The following FAM193B variants were observed in gnomAD, a reference collection of about 807,000 sequenced individuals.
The protein encoded by FAM193B is protein FAM193B.
In FAM193B, 27 loss-of-function variants were observed where a neutral mutation model predicts 70.7. The observed-to-expected ratio is 0.38, with a 90% CI of 0.28 to 0.53. The LOEUF (loss-of-function observed/expected upper bound fraction) is 0.53. Ranked by LOEUF, FAM193B falls within the 20% of genes least tolerant of loss-of-function variation. The probability of loss-of-function intolerance (pLI) is 0.81; values close to 1 mark genes in which losing one functional copy is unlikely to be tolerated. For missense variants in FAM193B, 1,022 were observed against 1,072.5 expected (o/e 0.95, Z 0.66); for synonymous variants, 448 against 436.0 (o/e 1.03, Z -0.34).
chr5:177,523,899 G>A, intron 7 of FAM193B, 58 bp downstream of exon 7: 1 of 1,582,390 alleles, frequency 6.3e-7, no homozygotes, highest in Middle Eastern at 1.7e-4. Context: ...CACAGGGCTT[G>A]AGTGTGGGCA....
At chr5:177,539,749 G>A (rs1764624767) in intron 1 of FAM193B, among the ~76,000 whole-genome samples, 1 of 152,202 alleles carries the variant, frequency 6.6e-6, no homozygotes, top group Non-Finnish European at 1.5e-5. Context: ...CTCCTGAGAG[G>A]TAGTGAGTAT....
At chr5:177,529,694 A>G (rs892429973) in intron 5 of FAM193B, among the ~76,000 whole-genome samples, 3 of 152,248 alleles carry the variant, frequency 2.0e-5, no homozygotes, top group African/African-American at 7.2e-5. Flanking sequence ...AGATAGCATT[A>G]TCAGTAAAGG....
intron 1 of FAM193B, chr5:177,553,766 G>A (rs1289099102): frequency 7.8e-7 from 1 of 1,287,750 alleles, no homozygotes; most frequent in Non-Finnish European, 1.0e-6. Context: ...GGAGGCGCCA[G>A]GAGACACAGC....
chr5:177,528,848 G>C (rs994177970), intron 5 of FAM193B, among the ~76,000 whole-genome samples: 1 of 152,172 alleles, frequency 6.6e-6, no homozygotes, highest in Non-Finnish European at 1.5e-5. Context: ...CACGTGGCTG[G>C]CTGCCACAGA....
At position 177,536,583 on chromosome 5, in the gene FAM193B, G is replaced by T; in HGVS notation, c.851C>A (p.Ala284Glu). ...CTCTGAAGCCTGGGCAGGGAAAGGT[G>T]CTGCCGGGGTGGTGGGCAGCAGGTG... ...HPHLLPTTPA[A>E]PFPAQASECP... Residue 284 changes from alanine (A) to glutamate (E), a missense_variant, in exon 4 of 9, where the codon GCA becomes GAA. By Grantham distance (107) the Ala-to-Glu change is moderately radical. Transcript: ENST00000514747. 6.5e-7 allele frequency: 1 copy of T among 1,545,458 alleles called. No individual in the cohort carries two copies. The highest frequency in any genetic ancestry group is 8.7e-7 in the Non-Finnish European group (1 of 1,153,056).
intron 4 of FAM193B, among the ~76,000 whole-genome samples, chr5:177,533,477 T>C (rs1054926121): frequency 2.6e-5 from 4 of 152,014 alleles, no homozygotes; most frequent in African/African-American, 9.7e-5. Context: ...GCTAATTTTC[T>C]TGTATTTTTA....
chr5:177,534,046 T>C (rs73804369), intron 4 of FAM193B, among the ~76,000 whole-genome samples: 78 of 152,330 alleles, frequency 5.1e-4, no homozygotes, highest in African/African-American at 1.7e-3. Flanking sequence ...GAAGCACCCA[T>C]TGGGCTGGTC....
chr5:177,551,972 A>G (rs1766311905), intron 1 of FAM193B: 1 of 954,790 alleles, frequency 1.0e-6, no homozygotes, highest in Non-Finnish European at 1.2e-6. Context: ...AACCGAATTT[A>G]CCAGTTTGTT....
chr5:177,534,336 A>T (rs1388492134), intron 4 of FAM193B, among the ~76,000 whole-genome samples: 1 of 134,808 alleles, frequency 7.4e-6, no homozygotes, highest in Non-Finnish European at 1.5e-5. Flanking sequence ...TCTGTTGCCC[A>T]AGCTGGATGG....
Position 177,536,398 on chromosome 5 carries a change from G to A in FAM193B, c.1036C>T (p.Leu346Phe), listed in dbSNP as rs1170143347. Residue 346 changes from leucine to phenylalanine, a missense_variant, in exon 4 of 9, where the codon CTC becomes TTC. Leu to Phe is a conservative substitution (Grantham distance 22). Coordinates refer to ENST00000514747, the MANE Select transcript of FAM193B (RefSeq NM_001190946.3). The stretch of plus-strand genomic sequence containing the variant: ...AGTGGCTGAGAGCTCGGGGGTGGGA[G>A]GAGAGGCCCACTGCAGTGCCCACCA... ...HCGGHCSGPL[L>F]PPPSSQPLPS... 3.1e-6 allele frequency: 5 copies of A among 1,609,152 alleles called. No homozygotes were observed. The African/African-American group carries it at 5.4e-5, about 17-fold the overall frequency.
chr5:177,529,092 G>A (rs1235508105), intron 5 of FAM193B, among the ~76,000 whole-genome samples: 4 of 151,968 alleles, frequency 2.6e-5, no homozygotes, highest in African/African-American at 9.7e-5. Context: ...AAGAGAACGG[G>A]GCAGGAGAGT....
At chr5:177,525,999 G>T (rs1199033279) in intron 5 of FAM193B, among the ~76,000 whole-genome samples, 3 of 152,264 alleles carry the variant, frequency 2.0e-5, no homozygotes, top group Non-Finnish European at 4.4e-5. Context: ...AAACCCTCGG[G>T]AAGGAGGTTG....
At chr5:177,535,364 G>A (rs888574115) in intron 4 of FAM193B, among the ~76,000 whole-genome samples, 1 of 152,250 alleles carries the variant, frequency 6.6e-6, no homozygotes. Context: ...CCCGGCATGT[G>A]CCAGACACAG....
intron 1 of FAM193B, among the ~76,000 whole-genome samples, chr5:177,543,137 G>A (rs1240928295): frequency 1.3e-5 from 2 of 152,188 alleles, no homozygotes; most frequent in African/African-American, 2.4e-5. Flanking sequence ...TGGAAATAAT[G>A]TGACTCTCCC....
chr5:177,534,193 G>A (rs772934767), intron 4 of FAM193B, among the ~76,000 whole-genome samples: 5 of 152,136 alleles, frequency 3.3e-5, no homozygotes, highest in East Asian at 1.9e-4. Context: ...AGCATGTGAC[G>A]TGGATTAAAA....
At chr5:177,542,355 T>G (rs1022074541) in intron 1 of FAM193B, among the ~76,000 whole-genome samples, 1 of 152,220 alleles carries the variant, frequency 6.6e-6, no homozygotes, top group African/African-American at 2.4e-5. Context: ...AAGTCCTAAT[T>G]TGTAGGGTCA....
rs200805962 is a variant in FAM193B at position 177,543,613 on chromosome 5, C to CT, written c.211-4467dup. On this transcript the variant is annotated intron_variant, in intron 1 of 8. Transcript: ENST00000514747. ...CTTTCCTCTGCTACTTTCATCTCCACTTTAATTGCTAGAGGGTGATAAGAA... is the reference window on the plus strand; with the variant it reads ...CTTTCCTCTGCTACTTTCATCTCCACTTTTAATTGCTAGAGGGTGATAAGAA... 4.1e-3 allele frequency among the ~76,000 whole-genome samples: 621 copies of CT among 152,348 alleles called. 5 individuals are homozygous for CT. The highest frequency in any genetic ancestry group is 0.013 in the African/African-American group (557 of 41,580).
At chr5:177,531,590 G>C in intron 5 of FAM193B, 1 of 1,163,284 alleles carries the variant, frequency 8.6e-7, no homozygotes, top group South Asian at 1.5e-5. Context: ...CCCTCCCACG[G>C]GCACCAAGTA....
At chr5:177,528,867 T>A (rs1341953078) in intron 5 of FAM193B, among the ~76,000 whole-genome samples, 1 of 151,774 alleles carries the variant, frequency 6.6e-6, no homozygotes, top group South Asian at 2.1e-4. Flanking sequence ...GATTCACTCA[T>A]GTGCTTTTCT....
Sources: allele counts gnomAD v4.1 joint callset (sites outside exome capture counted in the v4.1 genomes callset), GRCh38; gene constraint gnomAD v4.1.1; transcripts MANE v1.5; gene names NCBI Gene and HGNC (gene_info 2026-07-23, HGNC 2026-07-21).